SNTG1: variants seen among roughly 807,000 people sequenced by gnomAD.
The protein encoded by SNTG1 is syntrophin gamma 1.
SNTG1 carries 39 observed loss-of-function variants against 74.7 expected under a neutral mutation model. The observed-to-expected ratio is 0.52, with a 90% CI of 0.40 to 0.68. SNTG1 has a LOEUF of 0.68. Ranked by LOEUF, SNTG1 falls within the 30% of genes least tolerant of loss-of-function variation. SNTG1 has a pLI of 0.00. For synonymous variants in SNTG1, 254 were observed against 217.1 expected, an observed-to-expected ratio of 1.17 and a Z score of -1.49; for missense variants, 685 against 609.5, an observed-to-expected ratio of 1.12 and a Z score of -1.30.
At chr8:50,592,841 G>C (rs925249542) in intron 13 of SNTG1, among the ~76,000 whole-genome samples, 1 of 152,012 alleles carries the variant, frequency 6.6e-6, no homozygotes, top group African/African-American at 2.4e-5. Flanking sequence ...TGAAAAGAAG[G>C]GTTAATAGAC....
chr8:49,946,106 G>T (rs1324141336), intron 1 of SNTG1, among the ~76,000 whole-genome samples: 1 of 152,012 alleles, frequency 6.6e-6, no homozygotes, highest in Non-Finnish European at 1.5e-5. Flanking sequence ...TATCATCTAT[G>T]TATCTATATC....
chr8:49,959,652 A>T (rs546494147), intron 1 of SNTG1, among the ~76,000 whole-genome samples: 1 of 152,348 alleles, frequency 6.6e-6, no homozygotes, highest in South Asian at 2.1e-4. Flanking sequence ...GCTAAATAAC[A>T]TTCCATTATA....
intron 2 of SNTG1, among the ~76,000 whole-genome samples, chr8:50,177,482 A>G (rs142651486): frequency 1.3e-5 from 2 of 152,104 alleles, no homozygotes; most frequent in Non-Finnish European, 2.9e-5. Context: ...AACCTCAACT[A>G]TTCCCACGGA....
rs116627146 is a variant in SNTG1 at position 50,348,190 on chromosome 8, A to C, written c.-27-46022A>C. ...CTCTCTAAGTATTTGCATTTCCAAA[A>C]GAAATAGCAACTCAGAGAACCCAGA... On this transcript the variant is annotated intron_variant, in intron 2 of 18. Coordinates refer to ENST00000642720, the MANE Select transcript of SNTG1 (RefSeq NM_018967.5). Among the ~76,000 whole-genome samples the C allele has an allele frequency of 6.2e-3, 945 of 152,318 alleles. 7 individuals are homozygous for C. Among genetic ancestry groups the C allele is most frequent in the African/African-American group, 0.021 (886 of 41,578 alleles).
intron 12 of SNTG1, among the ~76,000 whole-genome samples, chr8:50,572,392 G>C (rs1272639374): frequency 6.6e-6 from 1 of 151,882 alleles, no homozygotes; most frequent in Non-Finnish European, 1.5e-5. Flanking sequence ...CTACTTTCAG[G>C]CTTCTGATTC....
At chr8:50,775,588 A>G (rs1202539462) in intron 18 of SNTG1, among the ~76,000 whole-genome samples, 1 of 151,608 alleles carries the variant, frequency 6.6e-6, no homozygotes, top group Admixed American at 6.6e-5. Context: ...TGTATATTCT[A>G]TTTGTATTGT....
chr8:50,266,775 A>G (rs1490031027), intron 2 of SNTG1, among the ~76,000 whole-genome samples: 1 of 151,362 alleles, frequency 6.6e-6, no homozygotes, highest in Non-Finnish European at 1.5e-5. Context: ...AAAGCGAAAG[A>G]GAAGTAGAAA....
At chr8:50,031,175 A>T (rs907902907) in intron 1 of SNTG1, among the ~76,000 whole-genome samples, 1 of 151,958 alleles carries the variant, frequency 6.6e-6, no homozygotes, top group Non-Finnish European at 1.5e-5. Context: ...AGATTTTTTA[A>T]TTATACAGTT....
chr8:50,575,329 T>G (rs1315827374), intron 12 of SNTG1, among the ~76,000 whole-genome samples: 1 of 152,230 alleles, frequency 6.6e-6, no homozygotes, highest in Non-Finnish European at 1.5e-5. Flanking sequence ...TCTTTGAATT[T>G]GATTAGTCCA....
intron 2 of SNTG1, among the ~76,000 whole-genome samples, chr8:50,388,039 T>G (rs1265820282): frequency 2.0e-5 from 3 of 152,186 alleles, no homozygotes; most frequent in African/African-American, 7.2e-5. Flanking sequence ...TAAGCTGGGG[T>G]TTAATTTGTA....
At chr8:50,270,765 A>C (rs1803341973) in intron 2 of SNTG1, among the ~76,000 whole-genome samples, 1 of 152,214 alleles carries the variant, frequency 6.6e-6, no homozygotes, top group African/African-American at 2.4e-5. Flanking sequence ...GGCTTAGCAC[A>C]TATTGATTCT....
intron 12 of SNTG1, among the ~76,000 whole-genome samples, chr8:50,588,907 A>C (rs901822572): frequency 1.3e-5 from 2 of 152,134 alleles, no homozygotes; most frequent in African/African-American, 4.8e-5. Flanking sequence ...GGCCATTTTC[A>C]TATTTTGCAA....
intron 9 of SNTG1, among the ~76,000 whole-genome samples, chr8:50,506,226 C>T (rs990883703): frequency 6.6e-6 from 1 of 151,972 alleles, no homozygotes; most frequent in Non-Finnish European, 1.5e-5. Context: ...AATGCCAGTA[C>T]CACATTGTTT....
chr8:50,034,167 A>G (rs951378586), intron 1 of SNTG1, among the ~76,000 whole-genome samples: 2 of 152,212 alleles, frequency 1.3e-5, no homozygotes, highest in Non-Finnish European at 2.9e-5. Context: ...GGAAAAAATG[A>G]GGGTGCTCTT....
intron 1 of SNTG1, among the ~76,000 whole-genome samples, chr8:49,947,505 A>G (rs1439811133): frequency 6.6e-6 from 1 of 152,224 alleles, no homozygotes; most frequent in Non-Finnish European, 1.5e-5. Context: ...ATACACACGT[A>G]CACAGTATAA....
At chr8:50,741,658 A>C (rs919717481) in intron 17 of SNTG1, among the ~76,000 whole-genome samples, 1 of 152,064 alleles carries the variant, frequency 6.6e-6, no homozygotes, top group Non-Finnish European at 1.5e-5. Context: ...GGATAACTAA[A>C]CTATGGTATA....
At chr8:50,394,382 G>T (rs2092701566) in intron 3 of SNTG1, 117 bp downstream of exon 3, 4 of 984,820 alleles carry the variant, frequency 4.1e-6, no homozygotes, top group Non-Finnish European at 6.0e-6. Context: ...AGAGGAGGAT[G>T]GGCTCTTTTT....
rs994262580 is a variant in SNTG1, at chr8:50,481,352, G to T, written c.364-21426G>T. On this transcript the variant is annotated intron_variant, in intron 8 of 18. Coordinates refer to ENST00000642720, the MANE Select transcript of SNTG1 (RefSeq NM_018967.5). ...GCGGAGATCACGCCATTGCACTCCAGCATGGGCGACAGAGTGAGACTCCAT... is the reference window on the plus strand; with the variant it reads ...GCGGAGATCACGCCATTGCACTCCATCATGGGCGACAGAGTGAGACTCCAT... 3.2e-4 allele frequency among the ~76,000 whole-genome samples: 48 copies of T among 152,178 alleles called. 1 individual carries two copies. Among genetic ancestry groups the T allele is most frequent in the Admixed American group, 2.6e-4 (4 of 15,278 alleles).
chr8:50,597,115 T>C (rs1585797610), intron 13 of SNTG1, among the ~76,000 whole-genome samples: 1 of 151,906 alleles, frequency 6.6e-6, no homozygotes, highest in East Asian at 1.9e-4. Flanking sequence ...TACTCTCTAC[T>C]TGTATGAGAT....
Sources: allele counts gnomAD v4.1 joint callset (sites outside exome capture counted in the v4.1 genomes callset), GRCh38; gene constraint gnomAD v4.1.1; transcripts MANE v1.5; gene names NCBI Gene and HGNC (gene_info 2026-07-23, HGNC 2026-07-21).